GATA4: variants seen among roughly 807,000 people sequenced by gnomAD.
GATA4 encodes the protein GATA binding protein 4, also known as transcription factor GATA-4.
Under a neutral mutation model 37.9 loss-of-function variants are expected in GATA4, and 7 were observed. The observed-to-expected ratio is 0.18, with a 90% CI of 0.11 to 0.35. The LOEUF (loss-of-function observed/expected upper bound fraction) is 0.35. Ranked by LOEUF, GATA4 falls within the 10% of genes least tolerant of loss-of-function variation. The probability of loss-of-function intolerance (pLI) is 1.00; values close to 1 mark genes in which losing one functional copy is unlikely to be tolerated. For synonymous variants in GATA4, 372 were observed against 292.6 expected (o/e 1.27, Z -2.77); for missense variants, 647 against 653.0 (o/e 0.99, Z 0.10).
upstream of GATA4, among the ~76,000 whole-genome samples, chr8:11,689,252 T>C (rs1563187993): frequency 1.3e-5 from 2 of 152,162 alleles, no homozygotes; most frequent in Non-Finnish European, 2.9e-5. Context: ...TAAAAAGAAA[T>C]GGGAAGACAT....
rs755482369 is a variant in GATA4 at position 11,756,969 on chromosome 8, C to T, written c.1035C>T (p.Ser345=). ...GCAGTGAGAGCCTTCCTCCCGCCAG[C>T]GGTGCTTCCAGCAACTCCAGCAACG... is the stretch of plus-strand genomic sequence containing the variant. ...PSGSESLPPA[S]GASSNSSNAT... The change falls in exon 6 of 7, where the codon AGC becomes AGT. Residue 345 remains serine, a synonymous_variant. Coordinates refer to ENST00000532059, the MANE Select transcript of GATA4 (RefSeq NM_001308093.3). 35 of 1,614,148 alleles carry T rather than the reference C, an allele frequency of 2.2e-5. No homozygotes were observed. Among genetic ancestry groups the T allele is most frequent in the South Asian group, 2.0e-4 (18 of 91,094 alleles).
intron 1 of GATA4, among the ~76,000 whole-genome samples, chr8:11,686,748 C>G (rs1294842502): frequency 6.6e-6 from 1 of 152,162 alleles, no homozygotes; most frequent in Non-Finnish European, 1.5e-5. Flanking sequence ...GCCTCTAATC[C>G]CAGCACTTTG....
chr8:11,678,447 T>C (rs1798851230), intron 1 of GATA4, among the ~76,000 whole-genome samples: 1 of 152,200 alleles, frequency 6.6e-6, no homozygotes, highest in Middle Eastern at 3.2e-3. Context: ...CCTGCCCAAC[T>C]CTCTGGCTTG....
intron 2 of GATA4, among the ~76,000 whole-genome samples, chr8:11,723,913 G>A (rs1211663589): frequency 1.3e-5 from 2 of 152,190 alleles, no homozygotes; most frequent in Non-Finnish European, 2.9e-5. Flanking sequence ...ACCCCCAGCA[G>A]TCTCCGGAAC....
intron 2 of GATA4, among the ~76,000 whole-genome samples, chr8:11,734,968 G>A (rs1395340998): frequency 6.6e-6 from 1 of 152,196 alleles, no homozygotes; most frequent in Admixed American, 6.5e-5. Flanking sequence ...CAAGTAAAAT[G>A]TGATTTATTA....
Position 11,709,756 on chromosome 8 carries a change from C to A in GATA4, c.616+828C>A, listed in dbSNP as rs1337075835. Among the ~76,000 whole-genome samples the A allele has an allele frequency of 3.3e-5, 5 of 152,192 alleles. No homozygotes were observed. Among genetic ancestry groups the A allele is most frequent in the African/African-American group, 9.6e-5 (4 of 41,454 alleles). ...GGTAGGTTCCATGCAGTGTTTCCATCGGATGTCAGACGGGGAGGGACGGCA... is the reference window on the plus strand; with the variant it reads ...GGTAGGTTCCATGCAGTGTTTCCATAGGATGTCAGACGGGGAGGGACGGCA... On this transcript the variant is annotated intron_variant, in intron 2 of 6. Coordinates refer to ENST00000532059, the MANE Select transcript of GATA4 (RefSeq NM_001308093.3). This position sits in a 1 kb window ranked among gnomAD's most constrained non-coding sequence, Gnocchi z 4.3.
rs531124117 is a variant in GATA4 at position 11,716,664 on chromosome 8, C to T, written c.616+7736C>T. Among the ~76,000 whole-genome samples the T allele has an allele frequency of 7.2e-5, 11 of 152,310 alleles. No individual in the cohort carries two copies. The South Asian group carries it at 1.9e-3, about 26-fold the overall frequency. On this transcript the variant is annotated intron_variant, in intron 2 of 6. Transcript: ENST00000532059. ...CCCCACTTGTGGGCACAAACAGTCA[C>T]GTACTAGGCAATGGTGACCTCTCCA...
upstream of GATA4, among the ~76,000 whole-genome samples, chr8:11,700,294 G>A (rs908996752): frequency 6.6e-6 from 1 of 152,248 alleles, no homozygotes; most frequent in Non-Finnish European, 1.5e-5. Context: ...ACCCAGAGTA[G>A]TAATTTCGAA....
chr8:11,737,895 C>T (rs1801537800), intron 2 of GATA4, among the ~76,000 whole-genome samples: 1 of 152,072 alleles, frequency 6.6e-6, no homozygotes, highest in African/African-American at 2.4e-5. Context: ...GCAAAATAAT[C>T]ATAGGACAGC....
At chr8:11,692,859 G>C (rs1799365320) in intron 1 of GATA4, 3 of 978,644 alleles carry the variant, frequency 3.1e-6, no homozygotes, top group Admixed American at 1.3e-4. Flanking sequence ...GGCTGACCCC[G>C]AGCGCCGCCG....
In GATA4 at chr8:11,708,086, C is replaced by G; in HGVS notation, c.-227C>G. The G allele has an allele frequency of 1.6e-6, 1 of 627,142 alleles. No homozygotes were observed. 38.8% of individuals were successfully genotyped at this position (627,142 alleles called of 1,614,324 possible). ...TCAGCTTCCGGAACCACCAAAAATT[C>G]AAATTGGGATTTTCCGGAGTAAACA... On this transcript the variant is annotated 5_prime_UTR_variant, in exon 2 of 7. Coordinates refer to ENST00000532059, the MANE Select transcript of GATA4 (RefSeq NM_001308093.3). The surrounding 1 kb of genome is among the most constrained non-coding windows in gnomAD (Gnocchi z 6.7).
At chr8:11,699,067 C>T (rs548823411) in intron 1 of GATA4, among the ~76,000 whole-genome samples, 44 of 152,308 alleles carry the variant, frequency 2.9e-4, no homozygotes, top group Admixed American at 1.0e-3. Context: ...TAATCATTCA[C>T]CCAACACTTA....
At chr8:11,711,635 C>T (rs951500186) in intron 2 of GATA4, among the ~76,000 whole-genome samples, 1 of 151,436 alleles carries the variant, frequency 6.6e-6, no homozygotes, top group Admixed American at 6.6e-5. Context: ...AAAAAATTAG[C>T]CAGGCTTGGG....
Position 11,758,472 on chromosome 8 carries a change from G to T in GATA4, c.1329G>T (p.Ala443=). 6.2e-7 allele frequency: 1 copy of T among 1,614,122 alleles called. No homozygotes were observed. Among genetic ancestry groups the T allele is most frequent in the Non-Finnish European group, 8.5e-7 (1 of 1,179,970 alleles). ...ACAGTCACGGGGACATAATCACTGC[G>T]TAATCTTCCCTCTTCCCTCCTCAAA... ...LADSHGDIIT[A] Residue 443 remains alanine, a synonymous_variant, in exon 7 of 7, where the codon GCG becomes GCT. Transcript: ENST00000532059.
intron 2 of GATA4, among the ~76,000 whole-genome samples, chr8:11,720,651 T>G (rs1477012643): frequency 6.6e-6 from 1 of 152,194 alleles, no homozygotes; most frequent in African/African-American, 2.4e-5. Context: ...CTTCTTTGTG[T>G]TCATAAGTTC....
upstream of GATA4, among the ~76,000 whole-genome samples, chr8:11,699,965 G>GA (rs1032759337): frequency 1.1e-3 from 162 of 151,970 alleles, no homozygotes; most frequent in African/African-American, 3.4e-3. Flanking sequence ...AAATAGAATG[G>GA]AAAAAAAAGA....
chr8:11,708,145 A>C lies in GATA4; in HGVS notation c.-168A>C. On this transcript the variant is annotated 5_prime_UTR_variant, in exon 2 of 7. Coordinates refer to ENST00000532059, the MANE Select transcript of GATA4 (RefSeq NM_001308093.3). This position sits in a 1 kb window ranked among gnomAD's most constrained non-coding sequence, Gnocchi z 6.7. ...GAGCCCTTTGCTCAATGCTGGATTT[A>C]ATACGTATATATTTTTAAGCGAGTT... 2 of 762,508 alleles carry C rather than the reference A, an allele frequency of 2.6e-6. No homozygotes were observed. The highest frequency in any genetic ancestry group is 4.5e-6 in the Non-Finnish European group (2 of 443,846). The allele number at this position is 762,508 out of a possible 1,614,324, so 47.2% of individuals were successfully genotyped here.
intron 6 of GATA4, among the ~76,000 whole-genome samples, 159 bp from the exon 7 acceptor site, chr8:11,758,134 C>T (rs895312629): frequency 2.6e-5 from 4 of 152,152 alleles, no homozygotes; most frequent in African/African-American, 4.8e-5. Context: ...CCTAGATCAC[C>T]GGGATCAGGA....
In GATA4 at chr8:11,709,170, G is replaced by T. The variant is rs1800049045; in HGVS notation, c.616+242G>T. Among the ~76,000 whole-genome samples the T allele has an allele frequency of 6.6e-6, 1 of 152,208 alleles. No homozygotes were observed. ...CGGGGCCTCTTCTGAGATGGTGTCAGGGTCGGAGTGCGGCCTCCCCGCCAT... is the reference window on the plus strand; with the variant it reads ...CGGGGCCTCTTCTGAGATGGTGTCATGGTCGGAGTGCGGCCTCCCCGCCAT... On this transcript the variant is annotated intron_variant, in intron 2 of 6. Coordinates refer to ENST00000532059, the MANE Select transcript of GATA4 (RefSeq NM_001308093.3). This position sits in a 1 kb window ranked among gnomAD's most constrained non-coding sequence, Gnocchi z 4.3.
Sources: gnomAD v4.1 joint callset for allele counts (sites outside exome capture counted in the v4.1 genomes callset) on GRCh38, gnomAD v4.1.1 for gene constraint, Gnocchi (gnomAD v3.1) non-coding constraint, MANE v1.5 for transcripts, NCBI Gene and HGNC (gene_info 2026-07-23, HGNC 2026-07-21) for gene names.